OPHN1: variants seen among roughly 807,000 people sequenced by gnomAD.
OPHN1 encodes oligophrenin 1.
Under a neutral mutation model 60.7 loss-of-function variants are expected in OPHN1, and 11 were observed. The observed-to-expected ratio is 0.18, with a 90% CI of 0.11 to 0.30. OPHN1 has a LOEUF of 0.30. OPHN1 is among the 10% of genes least tolerant of loss of function. The pLI is 1.00. For missense variants in OPHN1, 449 were observed against 611.0 expected (o/e 0.73, Z 2.80); for synonymous variants, 226 against 222.6 (o/e 1.02, Z -0.14).
At chrX:68,097,264 G>T in intron 18 of OPHN1, among the ~76,000 whole-genome samples, 1 of 111,650 alleles carries the variant, frequency 9.0e-6, no homozygotes, top group East Asian at 2.8e-4. Context: ...CAGCATTGAA[G>T]GAATTAAGAG....
intron 21 of OPHN1, among the ~76,000 whole-genome samples, chrX:68,058,578 T>C (rs1306885372): frequency 9.0e-6 from 1 of 111,500 alleles, no homozygotes; most frequent in Non-Finnish European, 1.9e-5. Context: ...TGAACTCTTT[T>C]ATGCCATCTA....
chrX:68,222,013 T>G (rs1169364670), intron 6 of OPHN1, among the ~76,000 whole-genome samples: 2 of 107,438 alleles, frequency 1.9e-5, no homozygotes, highest in African/African-American at 3.4e-5. Flanking sequence ...GGGAGAAAAT[T>G]TTCGCAACCT....
intron 15 of OPHN1, among the ~76,000 whole-genome samples, chrX:68,120,654 A>G (rs956094323): frequency 1.7e-4 from 19 of 112,274 alleles, no homozygotes; most frequent in African/African-American, 6.1e-4. Context: ...AATTCATATG[A>G]AATGACAAAA....
Position 68,197,363 on chromosome X carries a change from C to T in OPHN1, c.1026-99G>A, listed in dbSNP as rs767181390. ...CCTCTCTGCCCTGGAGTTTGTCACA[C>T]TGAACAAGCATAGGCTTACAGAATA... On this transcript the variant is annotated intron_variant, in intron 11 of 24. Transcript: ENST00000355520. 2.7e-4 allele frequency: 168 copies of T among 613,927 alleles called. No individual in the cohort carries two copies. In the East Asian group the frequency reaches 3.3e-3, roughly 12 times the overall value. 50.6% of individuals were successfully genotyped at this position (613,927 alleles called of 1,213,427 possible).
chrX:68,217,687 A>G (rs763240735), intron 6 of OPHN1, among the ~76,000 whole-genome samples: 1 of 110,687 alleles, frequency 9.0e-6, no homozygotes, highest in African/African-American at 3.3e-5. Context: ...CTCACACGGC[A>G]GGGTACTCCA....
chrX:68,432,663 A>G (rs1215731294), intron 2 of OPHN1, among the ~76,000 whole-genome samples: 1 of 111,542 alleles, frequency 9.0e-6, no homozygotes, highest in Non-Finnish European at 1.9e-5. Flanking sequence ...GGTCAAAACC[A>G]CTAAAGGAAA....
At chrX:68,331,201 A>G (rs1156800773) in intron 2 of OPHN1, among the ~76,000 whole-genome samples, 4 of 106,682 alleles carry the variant, frequency 3.7e-5, no homozygotes, top group African/African-American at 6.7e-5. Flanking sequence ...ACATAATTAT[A>G]TAATAGTTAT....
chrX:68,353,472 G>A (rs1458505473), intron 2 of OPHN1, among the ~76,000 whole-genome samples: 3 of 107,280 alleles, frequency 2.8e-5, no homozygotes, highest in Non-Finnish European at 5.8e-5. Context: ...TATTCAGGAG[G>A]CTGAAGCAGG....
intron 2 of OPHN1, among the ~76,000 whole-genome samples, chrX:68,365,359 G>A (rs749105975): frequency 1.2e-4 from 13 of 111,014 alleles, no homozygotes; most frequent in Non-Finnish European, 2.1e-4. Context: ...AGCCTACGTA[G>A]CATATTGAAG....
intron 5 of OPHN1, among the ~76,000 whole-genome samples, chrX:68,236,017 T>C (rs954316643): frequency 1.7e-4 from 19 of 111,590 alleles, no homozygotes; most frequent in African/African-American, 5.5e-4. Flanking sequence ...ATTTAGACTT[T>C]ACAACACTGA....
At chrX:68,250,418 A>G (rs2077827819) in intron 5 of OPHN1, among the ~76,000 whole-genome samples, 1 of 111,774 alleles carries the variant, frequency 8.9e-6, no homozygotes, top group Admixed American at 9.5e-5. Context: ...AGTTGAAAAC[A>G]AGGCTCAGAG....
chrX:68,392,450 T>C (rs2147755938), intron 2 of OPHN1, among the ~76,000 whole-genome samples: 1 of 110,039 alleles, frequency 9.1e-6, no homozygotes, highest in Non-Finnish European at 1.9e-5. Context: ...GGCTTGAGTC[T>C]AGGAATTCAA....
chrX:68,054,833 T>C (rs947516480), intron 21 of OPHN1, among the ~76,000 whole-genome samples: 70 of 111,885 alleles, frequency 6.3e-4, no homozygotes, highest in African/African-American at 2.2e-3. Context: ...GAAATAGACA[T>C]GTACATAACT....
intron 2 of OPHN1, among the ~76,000 whole-genome samples, chrX:68,351,828 C>A (rs1449764522): frequency 9.5e-6 from 1 of 105,699 alleles, no homozygotes; most frequent in Non-Finnish European, 1.9e-5. Context: ...TCCCGAGTAG[C>A]TGGGATTACA....
chrX:68,201,708 C>G lies in OPHN1; in HGVS notation c.936G>C (p.Gly312=), dbSNP rs976445732. ...AGTACTTCAGTGTTAAGTCCAAGGG[C>G]CCCTGATATGAAACAAGAATTAACA... The part of the protein sequence containing the change: ...PMEQKPGAKQ[G]PLDLTLKYCV... Residue 312 remains glycine (G), a splice_region_variant and synonymous_variant, in exon 11 of 25, where the codon GGG becomes GGC. Transcript: ENST00000355520. 5.0e-6 allele frequency: 6 copies of G among 1,197,327 alleles called. No homozygotes were observed. Among genetic ancestry groups the G allele is most frequent in the Admixed American group, 4.4e-5 (2 of 45,651 alleles).
chrX:68,137,342 T>C (rs1462858451), intron 15 of OPHN1, among the ~76,000 whole-genome samples: 1 of 111,931 alleles, frequency 8.9e-6, no homozygotes, highest in Non-Finnish European at 1.9e-5. Context: ...TATCCCCATA[T>C]ATAATACACA....
At chrX:68,425,826 T>TTTTC (rs2078852283) in intron 2 of OPHN1, among the ~76,000 whole-genome samples, 1 of 80,353 alleles carries the variant, frequency 1.2e-5, no homozygotes, top group East Asian at 4.1e-4. Context: ...TTTTTTTTTT[T>TTTTC]TTTTTTTTTT....
At chrX:68,210,028 G>C in intron 9 of OPHN1, 125 bp downstream of exon 9, 1 of 663,951 alleles carries the variant, frequency 1.5e-6, no homozygotes, top group South Asian at 2.4e-5. Context: ...CCCTGCCTGC[G>C]TTCCAAGGGA....
At chrX:68,413,890 A>G (rs1027459435) in intron 2 of OPHN1, among the ~76,000 whole-genome samples, 2 of 111,940 alleles carry the variant, frequency 1.8e-5, no homozygotes, top group Non-Finnish European at 3.8e-5. Context: ...GGGGGAAGGA[A>G]GTCTCTTTAC....
Sources: gnomAD v4.1 joint callset for allele counts (sites outside exome capture counted in the v4.1 genomes callset) on GRCh38, gnomAD v4.1.1 for gene constraint, MANE v1.5 for transcripts, NCBI Gene and HGNC (gene_info 2026-07-23, HGNC 2026-07-21) for gene names.